Variants in ADIPOR2 observed in about 807,000 individuals in gnomAD.
The protein encoded by ADIPOR2 is adiponectin receptor protein 2.
ADIPOR2 carries 18 observed loss-of-function variants against 40.9 expected under a neutral mutation model. The observed-to-expected ratio is 0.44, with a 90% confidence interval of 0.30 to 0.65. ADIPOR2 has a LOEUF of 0.65. ADIPOR2 is among the 30% of genes least tolerant of loss of function. The pLI, the probability that ADIPOR2 is intolerant of heterozygous loss-of-function variation, is 0.09. For synonymous variants in ADIPOR2, 165 were observed against 166.4 expected (o/e 0.99, Z 0.06); for missense variants, 283 against 479.2 (o/e 0.59, Z 3.82).
chr12:1,774,067 G>C (rs1241590107), intron 3 of ADIPOR2, among the ~76,000 whole-genome samples: 1 of 152,188 alleles, frequency 6.6e-6, no homozygotes, highest in African/African-American at 2.4e-5. Flanking sequence ...ATTCATTCTA[G>C]TGATCACTGT....
intron 1 of ADIPOR2, among the ~76,000 whole-genome samples, chr12:1,702,167 C>T (rs918254130): frequency 1.3e-5 from 2 of 152,018 alleles, no homozygotes; most frequent in Non-Finnish European, 2.9e-5. Context: ...TCGCGACTCC[C>T]TAATGGATTG....
chr12:1,698,411 G>A (rs1414164642), intron 1 of ADIPOR2, among the ~76,000 whole-genome samples: 1 of 152,048 alleles, frequency 6.6e-6, no homozygotes, highest in African/African-American at 2.4e-5. Context: ...TAATGGAGAC[G>A]AGGTTTTGCC....
intron 1 of ADIPOR2, among the ~76,000 whole-genome samples, chr12:1,736,077 A>G (rs1042216732): frequency 5.8e-4 from 88 of 152,228 alleles, no homozygotes; most frequent in Non-Finnish European, 3.8e-4. Flanking sequence ...TGTCTCTGCC[A>G]GGCTTTGGTA....
chr12:1,748,499 C>T (rs949149536), intron 1 of ADIPOR2, among the ~76,000 whole-genome samples: 84 of 152,164 alleles, frequency 5.5e-4, no homozygotes, highest in African/African-American at 1.9e-3. Context: ...CTGCCCACCT[C>T]GGCCTCCCAA....
intron 3 of ADIPOR2, 32 bp downstream of exon 3, chr12:1,772,993 T>A: frequency 1.2e-6 from 2 of 1,609,178 alleles, no homozygotes; most frequent in Non-Finnish European, 1.7e-6. Context: ...ATTGTCATGC[T>A]ATATATTTAG....
chr12:1,778,144 G>A, intron 4 of ADIPOR2, 119 bp downstream of exon 4: 1 of 1,191,904 alleles, frequency 8.4e-7, no homozygotes, highest in Non-Finnish European at 1.1e-6. Flanking sequence ...TTTGTTTTCT[G>A]AATTTCTAAT....
At position 1,759,242 on chromosome 12, in the gene ADIPOR2, G is replaced by A. The variant is rs57179776; in HGVS notation, c.171+4728G>A. 1.6e-3 allele frequency among the ~76,000 whole-genome samples: 251 copies of A among 152,278 alleles called. 2 individuals carry two copies. Among genetic ancestry groups the A allele is most frequent in the Middle Eastern group, 6.8e-3 (2 of 292 alleles). On this transcript the variant is annotated intron_variant, in intron 2 of 7. Transcript: ENST00000357103. ...TGTTTATTTTGAAAGCAAATAGAAC[G>A]AATATATCATAGTACAGTCATTCAC...
intron 1 of ADIPOR2, among the ~76,000 whole-genome samples, chr12:1,693,803 G>A (rs146734748): frequency 6.6e-6 from 1 of 152,090 alleles, no homozygotes; most frequent in African/African-American, 2.4e-5. Flanking sequence ...AAAGTGCTGG[G>A]ATTACAGGTG....
intron 2 of ADIPOR2, 133 bp downstream of exon 2, chr12:1,754,647 T>C (rs1237416564): frequency 3.6e-6 from 3 of 831,980 alleles, no homozygotes; most frequent in Non-Finnish European, 5.3e-6. Context: ...ACTTGCACAT[T>C]TGTATTTTTT....
At chr12:1,707,442 T>G (rs2094665742) in intron 1 of ADIPOR2, among the ~76,000 whole-genome samples, 1 of 151,834 alleles carries the variant, frequency 6.6e-6, no homozygotes, top group Non-Finnish European at 1.5e-5. Flanking sequence ...ATTGATATCT[T>G]ATTGTGGTTT....
At chr12:1,743,515 TA>T (rs2094748170) in intron 1 of ADIPOR2, among the ~76,000 whole-genome samples, 1 of 151,722 alleles carries the variant, frequency 6.6e-6, no homozygotes, top group Admixed American at 6.6e-5. Flanking sequence ...TACAAAAAAT[TA>T]AAAATTAGCT....
chr12:1,700,797 TAA>T (rs141307691), intron 1 of ADIPOR2, among the ~76,000 whole-genome samples: 3 of 144,202 alleles, frequency 2.1e-5, no homozygotes, highest in African/African-American at 2.5e-5. Context: ...GCCCTAGATT[TAA>T]AAAAAAAAAA....
intron 1 of ADIPOR2, among the ~76,000 whole-genome samples, chr12:1,734,784 G>A (rs570203651): frequency 1.1e-3 from 172 of 152,238 alleles, no homozygotes; most frequent in African/African-American, 3.9e-3. Flanking sequence ...TTTGTATAAG[G>A]TGTAAGGAAG....
chr12:1,785,827 C>A, intron 7 of ADIPOR2, 117 bp from the exon 8 acceptor site: 1 of 1,347,832 alleles, frequency 7.4e-7, no homozygotes, highest in African/African-American at 1.5e-5. Context: ...AGCTCTGTCA[C>A]ATCCATTCCC....
intron 3 of ADIPOR2, among the ~76,000 whole-genome samples, chr12:1,776,931 A>G (rs553401873): frequency 5.9e-5 from 9 of 152,296 alleles, no homozygotes; most frequent in African/African-American, 1.2e-4. Flanking sequence ...CTGAAGCGCT[A>G]TTTTACAAAT....
At chr12:1,698,686 G>A (rs2094644283) in intron 1 of ADIPOR2, among the ~76,000 whole-genome samples, 1 of 151,976 alleles carries the variant, frequency 6.6e-6, no homozygotes, top group Non-Finnish European at 1.5e-5. Flanking sequence ...ATTGTAAATT[G>A]CCCATACATT....
intron 3 of ADIPOR2, among the ~76,000 whole-genome samples, chr12:1,776,395 T>C (rs566152181): frequency 6.6e-6 from 1 of 152,236 alleles, no homozygotes; most frequent in Non-Finnish European, 1.5e-5. Context: ...GGTCATTGTC[T>C]GAAGGTGAAT....
At chr12:1,776,863 AATTCAT>A in intron 3 of ADIPOR2, among the ~76,000 whole-genome samples, 1 of 152,342 alleles carries the variant, frequency 6.6e-6, no homozygotes, top group Admixed American at 6.5e-5. Context: ...ATTACTAACT[AATTCAT>A]GAAATGCTTT....
intron 2 of ADIPOR2, among the ~76,000 whole-genome samples, chr12:1,767,269 C>CAAAAAAAAAAAAAAAAA (rs61401998): frequency 1.1e-5 from 1 of 87,468 alleles, no homozygotes; most frequent in Non-Finnish European, 2.3e-5. Context: ...AAGACTTCGT[C>CAAAAAAAAAAAAAAAAA]AAAAAAAAAA....
Sources: allele counts gnomAD v4.1 joint callset (sites outside exome capture counted in the v4.1 genomes callset), GRCh38; gene constraint gnomAD v4.1.1; transcripts MANE v1.5; gene names NCBI Gene and HGNC (gene_info 2026-07-23, HGNC 2026-07-21).